The following DOCK2 variants were observed in gnomAD, a reference collection of about 807,000 sequenced individuals.
DOCK2 encodes the protein dedicator of cytokinesis protein 2.
In DOCK2, 87 loss-of-function variants were observed where a neutral mutation model predicts 248.9. That is an observed-to-expected ratio of 0.35 (90% CI 0.29 to 0.42). The LOEUF (loss-of-function observed/expected upper bound fraction) is 0.42. Ranked by LOEUF, DOCK2 falls within the 10% of genes least tolerant of loss-of-function variation. The pLI is 1.00. For missense variants in DOCK2, 1,747 were observed against 2,300.2 expected (o/e 0.76, Z 4.92); for synonymous variants, 805 against 821.6 (o/e 0.98, Z 0.35).
intron 44 of DOCK2, among the ~76,000 whole-genome samples, chr5:170,065,026 CA>C (rs924487993): frequency 5.4e-5 from 8 of 148,978 alleles, no homozygotes; most frequent in Admixed American, 4.7e-4. Flanking sequence ...GATTTAAAGG[CA>C]AAAAAAATAT....
intron 23 of DOCK2, 121 bp from the exon 24 acceptor site, chr5:169,759,584 T>C: frequency 9.4e-7 from 1 of 1,066,542 alleles, no homozygotes; most frequent in Non-Finnish European, 1.4e-6. Context: ...CCATCAATAT[T>C]GTAATGTCCA....
chr5:169,827,333 G>C (rs1581250039), intron 26 of DOCK2, among the ~76,000 whole-genome samples: 1 of 152,152 alleles, frequency 6.6e-6, no homozygotes, highest in East Asian at 1.9e-4. Context: ...AAGGATCTCA[G>C]TTCACTTCAG....
chr5:169,844,647 A>G (rs1196428754), intron 27 of DOCK2, among the ~76,000 whole-genome samples: 1 of 152,072 alleles, frequency 6.6e-6, no homozygotes, highest in Non-Finnish European at 1.5e-5. Context: ...CCTTTGGATT[A>G]TAACTGTCCT....
At chr5:169,699,678 T>C (rs1342458632) in intron 12 of DOCK2, among the ~76,000 whole-genome samples, 1 of 152,220 alleles carries the variant, frequency 6.6e-6, no homozygotes, top group Non-Finnish European at 1.5e-5. Context: ...AATTGATACA[T>C]CCTGAATATC....
At position 169,985,793 on chromosome 5, in the gene DOCK2, C is replaced by T. The variant is rs1222666749; in HGVS notation, c.2899-35C>T. ...CAACAAGCTCTGAGTTCCTGTAAAA[C>T]AGGATGACATGTGTGCTGTGCTTCA... On this transcript the variant is annotated intron_variant, in intron 28 of 51. Transcript: ENST00000520908. 3 of 1,547,820 alleles carry T rather than the reference C, an allele frequency of 1.9e-6. No homozygotes were observed. In the South Asian group the frequency reaches 3.8e-5, roughly 20 times the overall value.
intron 25 of DOCK2, among the ~76,000 whole-genome samples, chr5:169,790,771 G>A (rs573441906): frequency 1.3e-5 from 2 of 152,302 alleles, no homozygotes; most frequent in Admixed American, 1.3e-4. Flanking sequence ...TCTTATGAAA[G>A]AGTCATTCTC....
At chr5:169,653,157 A>G (rs1757899051) in intron 1 of DOCK2, among the ~76,000 whole-genome samples, 1 of 152,222 alleles carries the variant, frequency 6.6e-6, no homozygotes, top group Non-Finnish European at 1.5e-5. Context: ...GTAAATGCAC[A>G]TGGAGAACTT....
At chr5:170,025,828 CTTCCTTCCTTCCTTCCTTCT>C (rs1755892632) in intron 33 of DOCK2, among the ~76,000 whole-genome samples, 9 of 122,320 alleles carry the variant, frequency 7.4e-5, no homozygotes, top group South Asian at 3.2e-4. Flanking sequence ...TCCTTCCTTC[CTTCCTTCCTTCCTTCCTTCT>C]TTCCTTCCTT....
chr5:169,689,213 T>A (rs1450609494), intron 8 of DOCK2, 39 bp from the exon 9 acceptor site: 1 of 1,598,904 alleles, frequency 6.3e-7, no homozygotes, highest in African/African-American at 1.3e-5. Context: ...GGATGTCAGG[T>A]CCCTTGGCAG....
chr5:170,008,215 ACAACAAC>A (rs755738251), intron 30 of DOCK2, among the ~76,000 whole-genome samples: 19,698 of 88,442 alleles, frequency 0.22, 1,559 homozygotes, highest in African/African-American at 0.39. Context: ...AACAACAACA[ACAACAAC>A]AACAAAAAAA....
intron 8 of DOCK2, among the ~76,000 whole-genome samples, 180 bp downstream of exon 8, chr5:169,684,530 C>A (rs776890348): frequency 7.2e-5 from 11 of 152,218 alleles, no homozygotes; most frequent in Non-Finnish European, 1.5e-4. Flanking sequence ...TTATTTACCA[C>A]CAGTTTTTTC....
chr5:170,065,507 C>T (rs968384566), intron 44 of DOCK2, among the ~76,000 whole-genome samples: 5 of 152,204 alleles, frequency 3.3e-5, no homozygotes, highest in South Asian at 2.1e-4. Context: ...TATATTAGTC[C>T]GTTTTCACAT....
chr5:169,853,028 G>A (rs973897219), intron 27 of DOCK2, among the ~76,000 whole-genome samples: 9 of 152,320 alleles, frequency 5.9e-5, no homozygotes, highest in Non-Finnish European at 1.3e-4. Flanking sequence ...GACCTGGTAG[G>A]AGGTAATTGA....
chr5:170,059,255 AC>A (rs1304629633), intron 44 of DOCK2, among the ~76,000 whole-genome samples: 1 of 151,948 alleles, frequency 6.6e-6, no homozygotes, highest in Non-Finnish European at 1.5e-5. Flanking sequence ...ATAAGTTTCA[AC>A]AAGTGCCCCA....
intron 51 of DOCK2, 111 bp downstream of exon 51, chr5:170,082,095 G>A (rs1758055437): frequency 1.4e-6 from 2 of 1,445,466 alleles, no homozygotes; most frequent in Non-Finnish European, 1.9e-6. Context: ...GTCATTCCTA[G>A]GGAGGCATAG....
intron 29 of DOCK2, among the ~76,000 whole-genome samples, chr5:169,992,414 T>C (rs1429805662): frequency 6.6e-6 from 1 of 152,180 alleles, no homozygotes; most frequent in East Asian, 1.9e-4. Context: ...TAGAGTTGAG[T>C]GTGTTTTCGT....
At chr5:169,900,580 GTC>G (rs1773867670) in intron 27 of DOCK2, among the ~76,000 whole-genome samples, 1 of 152,160 alleles carries the variant, frequency 6.6e-6, no homozygotes, top group African/African-American at 2.4e-5. Flanking sequence ...TAAATGTCGA[GTC>G]TCTCTCCTTT....
intron 25 of DOCK2, among the ~76,000 whole-genome samples, chr5:169,780,295 ATGTGTGTGTGTGTG>A (rs3138738): frequency 0.039 from 5,369 of 137,762 alleles, 119 homozygotes; most frequent in Non-Finnish European, 0.044. Flanking sequence ...AACCCAATAA[ATGTGTGTGTGTGTG>A]TGTGTGTGTG....
chr5:169,992,785 ACAAGAAAAATG>A (rs879817126), intron 29 of DOCK2, among the ~76,000 whole-genome samples: 14 of 151,882 alleles, frequency 9.2e-5, no homozygotes, highest in Non-Finnish European at 1.6e-4. Context: ...TAAAAAAAAA[ACAAGAAAAATG>A]AGAAGAAAAA....
Sources: allele counts gnomAD v4.1 joint callset (sites outside exome capture counted in the v4.1 genomes callset), GRCh38; gene constraint gnomAD v4.1.1; transcripts MANE v1.5; gene names NCBI Gene and HGNC (gene_info 2026-07-23, HGNC 2026-07-21).